Variants in ADGRL3 observed in about 807,000 individuals in gnomAD.
ADGRL3 encodes calcium-independent alpha-latrotoxin receptor 3.
ADGRL3 carries 62 observed loss-of-function variants against 153.5 expected under a neutral mutation model. The observed-to-expected ratio is 0.40, with a 90% CI of 0.33 to 0.50. The LOEUF (loss-of-function observed/expected upper bound fraction) is 0.50. Ranked by LOEUF, ADGRL3 falls within the 20% of genes least tolerant of loss-of-function variation. The pLI, the probability that ADGRL3 is intolerant of heterozygous loss-of-function variation, is 0.47. For missense variants in ADGRL3, 1,641 were observed against 1,859.4 expected, an observed-to-expected ratio of 0.88 and a Z score of 2.16; for synonymous variants, 710 against 672.5, an observed-to-expected ratio of 1.06 and a Z score of -0.86.
intron 2 of ADGRL3, among the ~76,000 whole-genome samples, chr4:61,486,244 A>G (rs925886587): frequency 3.9e-5 from 6 of 152,044 alleles, no homozygotes; most frequent in East Asian, 3.9e-4. Flanking sequence ...ATACCCGGCT[A>G]TGGAATTTTT....
intron 6 of ADGRL3, among the ~76,000 whole-genome samples, chr4:61,680,400 A>G (rs2150964832): frequency 7.2e-6 from 1 of 139,430 alleles, no homozygotes; most frequent in Non-Finnish European, 1.5e-5. Flanking sequence ...AAATTTATAC[A>G]TACTCGTGTG....
intron 21 of ADGRL3, among the ~76,000 whole-genome samples, chr4:62,012,429 T>A (rs2099191000): frequency 6.6e-6 from 1 of 152,214 alleles, no homozygotes; most frequent in Non-Finnish European, 1.5e-5. Context: ...TCTTTACATG[T>A]GGTAATTTAT....
intron 17 of ADGRL3, among the ~76,000 whole-genome samples, chr4:61,956,626 A>T (rs1029560319): frequency 1.3e-5 from 2 of 152,122 alleles, no homozygotes; most frequent in African/African-American, 4.8e-5. Context: ...TTATGTCCCA[A>T]ACGGTATTGC....
chr4:61,692,058 TTTCTC>T (rs1478645379), intron 6 of ADGRL3, among the ~76,000 whole-genome samples: 1 of 152,164 alleles, frequency 6.6e-6, no homozygotes, highest in East Asian at 1.9e-4. Flanking sequence ...CCTACTCGAT[TTTCTC>T]TTCTTTGTCT....
intron 1 of ADGRL3, among the ~76,000 whole-genome samples, chr4:61,370,122 T>G (rs2096491290): frequency 6.6e-6 from 1 of 152,212 alleles, no homozygotes; most frequent in Non-Finnish European, 1.5e-5. Flanking sequence ...TTCTCTCTTT[T>G]TTTCTTTATT....
At chr4:61,923,497 A>G (rs1167029329) in intron 13 of ADGRL3, among the ~76,000 whole-genome samples, 1 of 152,056 alleles carries the variant, frequency 6.6e-6, no homozygotes, top group Non-Finnish European at 1.5e-5. Flanking sequence ...TCCTGTTGCT[A>G]ATTTCTCACA....
chr4:62,068,607 A>G (rs752280279), intron 26 of ADGRL3, among the ~76,000 whole-genome samples: 6 of 152,180 alleles, frequency 3.9e-5, no homozygotes, highest in Non-Finnish European at 7.4e-5. Flanking sequence ...GTTTCAATGC[A>G]TCAGCCATCC....
intron 9 of ADGRL3, among the ~76,000 whole-genome samples, chr4:61,858,928 G>T (rs1416272180): frequency 6.6e-6 from 1 of 152,128 alleles, no homozygotes; most frequent in East Asian, 1.9e-4. Context: ...GATTGATGGG[G>T]ATAAAAGGAT....
intron 5 of ADGRL3, among the ~76,000 whole-genome samples, chr4:61,622,700 G>T (rs995749698): frequency 1.3e-5 from 2 of 152,100 alleles, no homozygotes; most frequent in Non-Finnish European, 2.9e-5. Context: ...TAAAAAATGG[G>T]TAGATACAAA....
intron 21 of ADGRL3, among the ~76,000 whole-genome samples, chr4:62,012,504 C>A (rs919642851): frequency 6.6e-6 from 1 of 152,198 alleles, no homozygotes; most frequent in Non-Finnish European, 1.5e-5. Context: ...AACCTCAGAG[C>A]TAGTTAGTGC....
At chr4:61,427,007 G>T (rs1213030743) in intron 2 of ADGRL3, 1 of 152,132 alleles carries the variant, frequency 6.6e-6, no homozygotes, top group Admixed American at 6.6e-5. Context: ...CAAAGTCCCT[G>T]GTCCTGCCAA....
intron 8 of ADGRL3, among the ~76,000 whole-genome samples, chr4:61,797,862 C>T (rs1040300323): frequency 1.3e-5 from 2 of 152,110 alleles, no homozygotes; most frequent in Non-Finnish European, 2.9e-5. Flanking sequence ...TAATTAATGT[C>T]AAATTATTAA....
intron 8 of ADGRL3, among the ~76,000 whole-genome samples, chr4:61,763,751 C>T (rs969152473): frequency 2.6e-5 from 4 of 152,016 alleles, no homozygotes; most frequent in Non-Finnish European, 5.9e-5. Flanking sequence ...ACACTATATA[C>T]ATATATATAT....
chr4:61,699,448 T>C (rs1175349337), intron 6 of ADGRL3, among the ~76,000 whole-genome samples: 1 of 152,030 alleles, frequency 6.6e-6, no homozygotes, highest in Non-Finnish European at 1.5e-5. Context: ...GGAAACAAAA[T>C]AAAATAAGAT....
intron 11 of ADGRL3, among the ~76,000 whole-genome samples, chr4:61,907,818 C>A (rs2098703396): frequency 6.6e-6 from 1 of 152,068 alleles, no homozygotes; most frequent in African/African-American, 2.4e-5. Context: ...ATCTCCCAAG[C>A]CTGGGTCTGT....
At chr4:61,717,989 A>G (rs1278805125) in intron 6 of ADGRL3, among the ~76,000 whole-genome samples, 1 of 152,112 alleles carries the variant, frequency 6.6e-6, no homozygotes, top group Non-Finnish European at 1.5e-5. Context: ...ACCTGAGATC[A>G]GGCCACTGCA....
intron 13 of ADGRL3, among the ~76,000 whole-genome samples, chr4:61,928,771 G>A (rs1179333386): frequency 2.0e-5 from 3 of 152,016 alleles, no homozygotes; most frequent in Non-Finnish European, 4.4e-5. Context: ...ATCTGAACAC[G>A]TTATTCTCTC....
chr4:61,675,125 A>G (rs1173403868), intron 5 of ADGRL3, among the ~76,000 whole-genome samples: 2 of 151,934 alleles, frequency 1.3e-5, no homozygotes, highest in East Asian at 3.9e-4. Flanking sequence ...GGACTAAATA[A>G]AATCCTTATT....
In ADGRL3 at chr4:61,892,673, C is replaced by A; in HGVS notation, c.1498C>A (p.Pro500Thr). 6.2e-7 allele frequency: 1 copy of A among 1,613,826 alleles called. No homozygotes were observed. Among genetic ancestry groups the A allele is most frequent in the Non-Finnish European group, 8.5e-7 (1 of 1,179,766 alleles). The change falls in exon 10 of 27, where the codon CCT becomes ACT. Residue 500 changes from proline (P) to threonine (T), a missense_variant. Coordinates refer to ENST00000683033, the MANE Select transcript of ADGRL3 (RefSeq NM_001387552.1). Reference protein sequence around the residue: ...PSVKDISTTGPLGMGSTTTST... With the variant: ...PSVKDISTTGTLGMGSTTTST... ...TATTTCAGATATCTCTACCACAGGACCTCTTGGCATGGGAAGCACTACCAC... is the reference window on the plus strand; with the variant it reads ...TATTTCAGATATCTCTACCACAGGAACTCTTGGCATGGGAAGCACTACCAC...
Sources: allele counts gnomAD v4.1 joint callset (sites outside exome capture counted in the v4.1 genomes callset), GRCh38; gene constraint gnomAD v4.1.1; transcripts MANE v1.5; gene names NCBI Gene and HGNC (gene_info 2026-07-23, HGNC 2026-07-21).